ROBO1: variants seen among roughly 807,000 people sequenced by gnomAD.
ROBO1 encodes roundabout guidance receptor 1.
ROBO1 carries 149 observed loss-of-function variants against 195.9 expected under a neutral mutation model. The ratio of observed to expected loss-of-function variants is 0.76; its 90% confidence interval spans 0.67 to 0.87. The LOEUF (loss-of-function observed/expected upper bound fraction) is 0.87, where lower values mean the gene tolerates loss of function less well. ROBO1 is among the 40% of genes least tolerant of loss of function. The probability of loss-of-function intolerance (pLI) is 0.00; values close to 1 mark genes in which losing one functional copy is unlikely to be tolerated. For missense variants in ROBO1, 1,933 were observed against 2,068.3 expected (o/e 0.93, Z 1.27); for synonymous variants, 816 against 733.2 (o/e 1.11, Z -1.82).
At chr3:79,538,038 A>G (rs1941937805) in intron 2 of ROBO1, among the ~76,000 whole-genome samples, 1 of 152,208 alleles carries the variant, frequency 6.6e-6, no homozygotes, top group Non-Finnish European at 1.5e-5. Context: ...TCGATTGGAC[A>G]AGCTTCATGT....
intron 3 of ROBO1, among the ~76,000 whole-genome samples, chr3:79,123,027 C>T (rs1165335511): frequency 6.6e-6 from 1 of 151,930 alleles, no homozygotes; most frequent in Non-Finnish European, 1.5e-5. Context: ...ACCTAATATA[C>T]TTGCTTGTTA....
intron 2 of ROBO1, among the ~76,000 whole-genome samples, chr3:79,585,604 G>A (rs139804369): frequency 2.0e-5 from 3 of 151,864 alleles, no homozygotes; most frequent in Non-Finnish European, 4.4e-5. Context: ...TTTTCCCTTT[G>A]TCATGGAAAT....
intron 2 of ROBO1, among the ~76,000 whole-genome samples, chr3:79,402,181 A>G (rs1056127339): frequency 2.6e-5 from 4 of 152,068 alleles, no homozygotes. Flanking sequence ...ATAAACACAA[A>G]TAATAAATTT....
chr3:78,690,204 A>G, intron 8 of ROBO1, among the ~76,000 whole-genome samples: 1 of 151,614 alleles, frequency 6.6e-6, no homozygotes, highest in Non-Finnish European at 1.5e-5. Flanking sequence ...AAACGACTTG[A>G]TGATTGCATG....
chr3:79,379,429 G>A (rs1311263945), intron 2 of ROBO1, among the ~76,000 whole-genome samples: 1 of 152,092 alleles, frequency 6.6e-6, no homozygotes, highest in Admixed American at 6.5e-5. Flanking sequence ...CTCTTATAAT[G>A]TCCATGAGTT....
At chr3:79,139,184 C>A (rs1001401858) in intron 2 of ROBO1, among the ~76,000 whole-genome samples, 1 of 151,614 alleles carries the variant, frequency 6.6e-6, no homozygotes, top group African/African-American at 2.4e-5. Context: ...TAAAACAATT[C>A]TATTAACATA....
intron 3 of ROBO1, among the ~76,000 whole-genome samples, chr3:78,997,716 G>C (rs1484836367): frequency 6.6e-6 from 1 of 152,160 alleles, no homozygotes; most frequent in Non-Finnish European, 1.5e-5. Flanking sequence ...AACTCACCTA[G>C]ACTTGAAGAA....
chr3:79,242,884 A>C (rs929091811), intron 2 of ROBO1, among the ~76,000 whole-genome samples: 14 of 152,028 alleles, frequency 9.2e-5, no homozygotes, highest in Non-Finnish European at 1.8e-4. Context: ...CACAACGTGC[A>C]GGTTTGTTAC....
At chr3:78,963,253 T>C (rs746920777) in intron 3 of ROBO1, among the ~76,000 whole-genome samples, 73 of 151,908 alleles carry the variant, frequency 4.8e-4, no homozygotes, top group Non-Finnish European at 7.4e-4. Context: ...GTCCAAGAAA[T>C]ATGGGATGAA....
rs183990844 is a variant in ROBO1, at chr3:79,742,127, A to T, written c.-51+25625T>A. On this transcript the variant is annotated intron_variant, in intron 1 of 30. Coordinates refer to ENST00000464233, the MANE Select transcript of ROBO1 (RefSeq NM_002941.4). ...TTGTAGCCTGGCCATGTGGTAGAGA[A>T]GAAAAACCCATTTTCTGGGGAGAAA... Among the ~76,000 whole-genome samples, 659 of 152,376 alleles carry T rather than the reference A, an allele frequency of 4.3e-3. 3 individuals carry two copies. Among genetic ancestry groups the T allele is most frequent in the Middle Eastern group, 0.027 (8 of 294 alleles).
At chr3:78,845,201 G>T (rs1449715256) in intron 4 of ROBO1, among the ~76,000 whole-genome samples, 2 of 149,610 alleles carry the variant, frequency 1.3e-5, no homozygotes, top group Admixed American at 1.3e-4. Context: ...AGGTTTTAGA[G>T]ATTTAATATG....
At chr3:79,763,893 A>G (rs1157372662) in intron 1 of ROBO1, among the ~76,000 whole-genome samples, 1 of 152,228 alleles carries the variant, frequency 6.6e-6, no homozygotes, top group Admixed American at 6.5e-5. Context: ...AGGAATAATC[A>G]AACTCCTTGT....
chr3:78,775,200 T>C (rs1283429026), intron 4 of ROBO1, among the ~76,000 whole-genome samples: 1 of 152,164 alleles, frequency 6.6e-6, no homozygotes, highest in Non-Finnish European at 1.5e-5. Flanking sequence ...CTCAATGTAA[T>C]AGGAGTTTTT....
At chr3:79,629,964 A>G (rs1234577846) in intron 1 of ROBO1, among the ~76,000 whole-genome samples, 1 of 152,054 alleles carries the variant, frequency 6.6e-6, no homozygotes, top group African/African-American at 2.4e-5. Flanking sequence ...TGAACAGACC[A>G]ACAATGAGTA....
chr3:79,426,543 T>A (rs2106980061), intron 2 of ROBO1, among the ~76,000 whole-genome samples: 1 of 152,218 alleles, frequency 6.6e-6, no homozygotes, highest in Non-Finnish European at 1.5e-5. Context: ...CTAATTTTTG[T>A]ATTTTTGTAG....
intron 1 of ROBO1, among the ~76,000 whole-genome samples, chr3:79,658,831 C>T (rs995705277): frequency 6.6e-6 from 1 of 151,252 alleles, no homozygotes; most frequent in Non-Finnish European, 1.5e-5. Context: ...TGCAATGGTA[C>T]AATCCTGGCT....
At chr3:78,860,019 C>A (rs2106970829) in intron 4 of ROBO1, among the ~76,000 whole-genome samples, 1 of 150,782 alleles carries the variant, frequency 6.6e-6, no homozygotes, top group Middle Eastern at 3.4e-3. Flanking sequence ...GCGGAGCTTG[C>A]AGTGAGCTGA....
At position 78,982,692 on chromosome 3, in the gene ROBO1, G is replaced by A. The variant is rs151027322; in HGVS notation, c.173-43765C>T. On this transcript the variant is annotated intron_variant, in intron 3 of 30. Coordinates refer to ENST00000464233, the MANE Select transcript of ROBO1 (RefSeq NM_002941.4). ...TGCCCAGGCTGGAGTGTAGTGGCGT[G>A]ATCTCGGCTCACTGAAACATCCACC... Among the ~76,000 whole-genome samples the A allele has an allele frequency of 1.9e-3, 294 of 152,026 alleles. 1 individual carries two copies. The highest frequency in any genetic ancestry group is 3.0e-3 in the Non-Finnish European group (204 of 67,978).
intron 2 of ROBO1, among the ~76,000 whole-genome samples, chr3:79,138,237 C>G (rs2080453864): frequency 6.6e-6 from 1 of 152,004 alleles, no homozygotes; most frequent in East Asian, 1.9e-4. Context: ...ATGTCTTACT[C>G]ATCATCCTAT....
Sources: allele counts gnomAD v4.1 joint callset (sites outside exome capture counted in the v4.1 genomes callset), GRCh38; gene constraint gnomAD v4.1.1; transcripts MANE v1.5; gene names NCBI Gene and HGNC (gene_info 2026-07-23, HGNC 2026-07-21).